Variants in LRP1 observed in about 807,000 individuals in gnomAD.
LRP1 encodes the protein prolow-density lipoprotein receptor-related protein 1.
Under a neutral mutation model 541.5 loss-of-function variants are expected in LRP1, and 51 were observed. That is an observed-to-expected ratio of 0.09 (90% CI 0.08 to 0.12). The LOEUF (loss-of-function observed/expected upper bound fraction) is 0.12. Ranked by LOEUF, LRP1 falls within the 10% of genes least tolerant of loss-of-function variation. LRP1 has a pLI of 1.00. For missense variants in LRP1, 3,878 were observed against 6,376.2 expected (o/e 0.61, Z 13.34); for synonymous variants, 2,219 against 2,470.8 (o/e 0.90, Z 3.02).
intron 6 of LRP1, chr12:57,149,567 A>G: frequency 1.4e-6 from 1 of 692,922 alleles, no homozygotes; most frequent in Middle Eastern, 2.4e-4. Flanking sequence ...AGACCCTAAG[A>G]TGGGCTGAGT....
At chr12:57,200,566 C>T (rs2036627978) in intron 63 of LRP1, 31 bp downstream of exon 63, 1 of 1,596,314 alleles carries the variant, frequency 6.3e-7, no homozygotes, top group Non-Finnish European at 8.6e-7. Flanking sequence ...ACAGGAGGGC[C>T]CCCAGCTGTG....
chr12:57,187,022 G>A (rs1262036850), intron 41 of LRP1, among the ~76,000 whole-genome samples: 3 of 152,204 alleles, frequency 2.0e-5, no homozygotes, highest in Non-Finnish European at 2.9e-5. Flanking sequence ...CAGAAAGCCC[G>A]ATTGCCCTCA....
At chr12:57,145,178 G>A (rs763899641) in intron 5 of LRP1, 49 bp from the exon 6 acceptor site, 1 of 1,613,334 alleles carries the variant, frequency 6.2e-7, no homozygotes, top group South Asian at 1.1e-5. Context: ...GGCCTGAGAG[G>A]TGGTCCTAGA....
chr12:57,167,783 C>T (rs574844136), intron 19 of LRP1, among the ~76,000 whole-genome samples: 5 of 152,324 alleles, frequency 3.3e-5, no homozygotes, highest in South Asian at 2.1e-4. Context: ...TAGTAGGGCT[C>T]GGAGGCCAGG....
chr12:57,150,149 C>G (rs1428671500), intron 6 of LRP1: 1 of 163,582 alleles, frequency 6.1e-6, no homozygotes, highest in Non-Finnish European at 1.3e-5. Context: ...ATCAAAGAAG[C>G]TCCAGAGGCC....
At position 57,156,281 on chromosome 12, in the gene LRP1, G is replaced by C. The variant is rs201043548; in HGVS notation, c.1415G>C (p.Arg472Pro). 1 of 1,613,830 alleles carries C rather than the reference G, an allele frequency of 6.2e-7. No homozygotes were observed. The highest frequency in any genetic ancestry group is 1.3e-5 in the African/African-American group (1 of 74,918). Residue 472 changes from arginine (R) to proline (P), a missense_variant and splice_region_variant, in exon 9 of 89, where the codon CGA becomes CCA. Arg to Pro is a moderately radical substitution (Grantham distance 103). This residue lies in a region of LRP1 where 496 missense variants were observed against 861.0 expected (regional missense o/e 0.58). Transcript: ENST00000243077. The surrounding 1 kb of genome is among the most constrained non-coding windows in gnomAD (Gnocchi z 5.2). ...ATCTACCACCAGAGGCGTCAGCCCC[G>C]AGGTGAGCAGGGCTCCATGGCCCCT... is the stretch of plus-strand genomic sequence containing the variant. ...LHIYHQRRQP[R>P]VRSHACENDQ...
chr12:57,210,497 C>T lies in LRP1; in HGVS notation c.12754+17C>T, dbSNP rs778277105. 26 of 1,521,116 alleles carry T rather than the reference C, an allele frequency of 1.7e-5. No homozygotes were observed. The highest frequency in any genetic ancestry group is 4.6e-5 in the East Asian group (2 of 43,794). 94.2% of individuals were successfully genotyped at this position (1,521,116 alleles called of 1,614,324 possible). A position where few individuals can be genotyped will look rare whatever the true frequency, so the allele number is the denominator to read the frequency against. On this transcript the variant is annotated intron_variant, in intron 82 of 88. Coordinates refer to ENST00000243077, the MANE Select transcript of LRP1 (RefSeq NM_002332.3). ...CCCCCTCTGGTATGCCCCCTCATCCCGCCACGCCTGCTCCTTGCCCCTGGG... is the reference window on the plus strand; with the variant it reads ...CCCCCTCTGGTATGCCCCCTCATCCTGCCACGCCTGCTCCTTGCCCCTGGG...
intron 13 of LRP1, 89 bp downstream of exon 13, chr12:57,161,204 T>C (rs2035726996): frequency 7.9e-7 from 1 of 1,258,146 alleles, no homozygotes; most frequent in Non-Finnish European, 1.1e-6. Context: ...AGTATGTGGG[T>C]ATCTGTGTGT....
rs181211156 is a variant in LRP1, at chr12:57,173,425, C to T, written c.3346+75C>T. Reference sequence around the variant, plus strand: ...GGAGACCGTGTTGAGAGCAGAGTAGCGGCAAAGGGGATGGCACTGTGCTGT... The same window carrying T: ...GGAGACCGTGTTGAGAGCAGAGTAGTGGCAAAGGGGATGGCACTGTGCTGT... On this transcript the variant is annotated intron_variant, in intron 21 of 88. Coordinates refer to ENST00000243077, the MANE Select transcript of LRP1 (RefSeq NM_002332.3). The surrounding 1 kb of genome is among the most constrained non-coding windows in gnomAD (Gnocchi z 4.7). The T allele has an allele frequency of 7.7e-5, 114 of 1,477,314 alleles. No individual in the cohort carries two copies. In the African/African-American group the frequency reaches 1.2e-3, roughly 15 times the overall value. 91.5% of individuals were successfully genotyped at this position (1,477,314 alleles called of 1,614,324 possible). A position where few individuals can be genotyped will look rare whatever the true frequency, so the allele number is the denominator to read the frequency against.
In LRP1 at chr12:57,204,791, T is replaced by C. The variant is rs757975303; in HGVS notation, c.11194+42T>C. 4 of 1,608,238 alleles carry C rather than the reference T, an allele frequency of 2.5e-6. No individual in the cohort carries two copies. On this transcript the variant is annotated intron_variant, in intron 72 of 88. Transcript: ENST00000243077. This position sits in a 1 kb window ranked among gnomAD's most constrained non-coding sequence, Gnocchi z 5.3. ...CGAGAGGCCTGCAGGGGACGGGTAGTGCACAGTGGGGTGAGTCTGGTCCTC... is the reference window on the plus strand; with the variant it reads ...CGAGAGGCCTGCAGGGGACGGGTAGCGCACAGTGGGGTGAGTCTGGTCCTC...
intron 2 of LRP1, 134 bp from the exon 3 acceptor site, chr12:57,141,240 G>A (rs1565714157): frequency 1.1e-6 from 1 of 921,922 alleles, no homozygotes; most frequent in Non-Finnish European, 1.6e-6. Flanking sequence ...AGTTCCAGGT[G>A]GAAGAGTCTA....
At chr12:57,147,350 C>T (rs906066675) in intron 6 of LRP1, 1 of 152,300 alleles carries the variant, frequency 6.6e-6, no homozygotes, top group Non-Finnish European at 1.5e-5. Context: ...CTCCCCTAGC[C>T]CCTCCCCCAG....
intron 81 of LRP1, 57 bp from the exon 82 acceptor site, chr12:57,210,250 G>T (rs1385814617): frequency 1.3e-6 from 2 of 1,547,260 alleles, no homozygotes; most frequent in African/African-American, 2.7e-5. Flanking sequence ...TGACCTTGTT[G>T]CCTGTCCCTC....
At chr12:57,167,607 C>T in intron 19 of LRP1, 83 bp downstream of exon 19, 3 of 1,060,070 alleles carry the variant, frequency 2.8e-6, no homozygotes, top group Non-Finnish European at 4.4e-6. Context: ...CAAAGGGCTT[C>T]AGAATCCAGC....
rs1234273509 is a variant in LRP1 at position 57,178,028 on chromosome 12, A to G, written c.4362-331A>G. ...CAGTGGCGCGATCTCGGCTCACTGC[A>G]GGCTCCGCCCCCCGGGGTTCACGCT... On this transcript the variant is annotated intron_variant, in intron 26 of 88. Transcript: ENST00000243077. The surrounding 1 kb of genome is among the most constrained non-coding windows in gnomAD (Gnocchi z 5.8). Among the ~76,000 whole-genome samples the G allele has an allele frequency of 6.9e-6, 1 of 145,028 alleles. No individual in the cohort carries two copies. The highest frequency in any genetic ancestry group is 1.5e-5 in the Non-Finnish European group (1 of 67,138).
rs371797883 is a variant in LRP1 at position 57,128,899 on chromosome 12, G to T, written c.-66G>T. 3.9e-5 allele frequency: 55 copies of T among 1,411,040 alleles called. 1 individual carries two copies. The East Asian group carries it at 6.2e-4, about 16-fold the overall frequency. 87.4% of individuals were successfully genotyped at this position (1,411,040 alleles called of 1,614,324 possible). On this transcript the variant is annotated 5_prime_UTR_variant, in exon 1 of 89. Coordinates refer to ENST00000243077, the MANE Select transcript of LRP1 (RefSeq NM_002332.3). ...AGGAAAAGGGGGACCCCCCAACTGGGGGGGGTGAAGGAGAGAAGTAGCAGG... is the reference window on the plus strand; with the variant it reads ...AGGAAAAGGGGGACCCCCCAACTGGTGGGGGTGAAGGAGAGAAGTAGCAGG...
rs2036364583 is a variant in LRP1 at position 57,190,886 on chromosome 12, T to C, written c.7113T>C (p.Leu2371=). ...TCTCGGGAGCCAATGTCCTGACCCT[T>C]ATCGAGAAGGACATCCGTACCCCCA... The part of the protein sequence containing the change: ...AALSGANVLT[L]IEKDIRTPNG... The change falls in exon 43 of 89, where the codon CTT becomes CTC. Residue 2371 remains leucine (L), a synonymous_variant. Coordinates refer to ENST00000243077, the MANE Select transcript of LRP1 (RefSeq NM_002332.3). The C allele has an allele frequency of 6.2e-7, 1 of 1,613,746 alleles. No homozygotes were observed. The highest frequency in any genetic ancestry group is 8.5e-7 in the Non-Finnish European group (1 of 1,179,954).
rs1406640743 is a variant in LRP1, at chr12:57,176,187, C to G, written c.3991+81C>G. ...GGGGCCACAGGTCCCATCCAAGTGGCCCCAAAGCAGAGGCTTGGCTCCCCC... is the reference window on the plus strand; with the variant it reads ...GGGGCCACAGGTCCCATCCAAGTGGGCCCAAAGCAGAGGCTTGGCTCCCCC... On this transcript the variant is annotated intron_variant, in intron 24 of 88. Coordinates refer to ENST00000243077, the MANE Select transcript of LRP1 (RefSeq NM_002332.3). 3 of 1,436,780 alleles carry G rather than the reference C, an allele frequency of 2.1e-6. No individual in the cohort carries two copies. In the South Asian group the frequency reaches 3.6e-5, roughly 17 times the overall value. The allele number at this position is 1,436,780 out of a possible 1,614,324, so 89.0% of individuals were successfully genotyped here.
intron 2 of LRP1, 21 bp downstream of exon 2, chr12:57,138,602 C>A (rs760771416): frequency 6.2e-7 from 1 of 1,613,288 alleles, no homozygotes; most frequent in Non-Finnish European, 8.5e-7. Context: ...TTTCTGGATT[C>A]TTCTCCCCAA....
Sources: allele counts gnomAD v4.1 joint callset (sites outside exome capture counted in the v4.1 genomes callset), GRCh38; gene constraint gnomAD v4.1.1; regional missense constraint gnomAD v4.1.1; non-coding constraint Gnocchi (gnomAD v3.1); transcripts MANE v1.5; gene names NCBI Gene and HGNC (gene_info 2026-07-23, HGNC 2026-07-21).